Variants in SLC9C2 observed in about 807,000 individuals in gnomAD.
The protein encoded by SLC9C2 is solute carrier family 9 member C2 (putative), also known as sodium/hydrogen exchanger 11.
SLC9C2 carries 75 observed loss-of-function variants against 140.2 expected under a neutral mutation model. The observed-to-expected ratio is 0.53, with a 90% CI of 0.44 to 0.65. The LOEUF (loss-of-function observed/expected upper bound fraction) is 0.65, where lower values mean the gene tolerates loss of function less well. Ranked by LOEUF, SLC9C2 falls within the 30% of genes least tolerant of loss-of-function variation. The pLI is 0.00. For missense variants in SLC9C2, 1,074 were observed against 1,331.8 expected (o/e 0.81, Z 3.01); for synonymous variants, 375 against 420.9 (o/e 0.89, Z 1.34).
chr1:173,533,964 C>T (rs10912636), intron 16 of SLC9C2, among the ~76,000 whole-genome samples, 167 bp from the exon 17 acceptor site: 31,200 of 151,962 alleles, frequency 0.21, 4,312 homozygotes, highest in East Asian at 0.64. Flanking sequence ...AAAATCTTCA[C>T]CATTTATAAT....
intron 14 of SLC9C2, among the ~76,000 whole-genome samples, chr1:173,536,195 A>ATTTC (rs35559987): frequency 0.34 from 51,967 of 151,674 alleles, 10,937 homozygotes; most frequent in East Asian, 0.64. Context: ...TCTCTAGACC[A>ATTTC]TTTGGAGTTT....
At chr1:173,553,488 G>A (rs1429099402) in intron 11 of SLC9C2, among the ~76,000 whole-genome samples, 1 of 152,218 alleles carries the variant, frequency 6.6e-6, no homozygotes, top group African/African-American at 2.4e-5. Context: ...AATTGCCACA[G>A]CTGCCCAATC....
intron 9 of SLC9C2, among the ~76,000 whole-genome samples, chr1:173,563,387 TGTC>T (rs1026232471): frequency 1.3e-5 from 2 of 152,146 alleles, no homozygotes; most frequent in African/African-American, 4.8e-5. Context: ...TTTATGAACT[TGTC>T]GTATCCTTCA....
intron 26 of SLC9C2, among the ~76,000 whole-genome samples, chr1:173,503,566 C>T (rs138350164): frequency 6.6e-6 from 1 of 152,140 alleles, no homozygotes; most frequent in East Asian, 1.9e-4. Flanking sequence ...TTGAAGTGGG[C>T]GGGGTAAAGG....
chr1:173,565,786 G>C (rs1176708549), intron 9 of SLC9C2, among the ~76,000 whole-genome samples: 1 of 152,118 alleles, frequency 6.6e-6, no homozygotes, highest in East Asian at 1.9e-4. Flanking sequence ...TGAATCTCTA[G>C]ATCATTTTAG....
chr1:173,547,106 A>G (rs6425246), intron 13 of SLC9C2, among the ~76,000 whole-genome samples: 54,620 of 151,890 alleles, frequency 0.36, 12,427 homozygotes, highest in East Asian at 0.64. Context: ...GGCACAATTC[A>G]TATTTTATAT....
intron 9 of SLC9C2, 108 bp from the exon 10 acceptor site, chr1:173,557,616 GA>G (rs1663803520): frequency 2.8e-6 from 3 of 1,056,774 alleles, no homozygotes; most frequent in East Asian, 2.7e-5. Flanking sequence ...TTTCGGGAAA[GA>G]AAAAAACAAT....
chr1:173,598,053 A>C (rs777124490), intron 3 of SLC9C2, 21 bp from the exon 4 acceptor site: 16 of 1,564,626 alleles, frequency 1.0e-5, no homozygotes, highest in Admixed American at 2.0e-5. Context: ...AAAGGCAAAC[A>C]AGAAATTAGT....
chr1:173,543,542 G>A (rs946658584), intron 13 of SLC9C2, among the ~76,000 whole-genome samples: 2 of 152,128 alleles, frequency 1.3e-5, no homozygotes, highest in African/African-American at 4.8e-5. Context: ...AGTCTGCCTT[G>A]CCAAGACAAT....
intron 23 of SLC9C2, among the ~76,000 whole-genome samples, chr1:173,517,178 A>C (rs1165184020): frequency 6.6e-6 from 1 of 152,198 alleles, no homozygotes; most frequent in East Asian, 1.9e-4. Context: ...AAAACAAATA[A>C]ATATTCTTTA....
intron 7 of SLC9C2, among the ~76,000 whole-genome samples, chr1:173,577,563 T>C (rs1241114609): frequency 1.3e-5 from 2 of 152,074 alleles, no homozygotes; most frequent in African/African-American, 4.8e-5. Context: ...ACATGAAAGA[T>C]AGGATTGGAA....
intron 5 of SLC9C2, among the ~76,000 whole-genome samples, chr1:173,586,453 A>G (rs1665852156): frequency 6.6e-6 from 1 of 152,218 alleles, no homozygotes; most frequent in Non-Finnish European, 1.5e-5. Context: ...AACAGAAACC[A>G]TAGCATCTAG....
In SLC9C2 at chr1:173,563,460, G is replaced by A. The variant is rs1425415800; in HGVS notation, c.1047-5952C>T. On this transcript the variant is annotated intron_variant, in intron 9 of 27. Coordinates refer to ENST00000367714, the MANE Select transcript of SLC9C2 (RefSeq NM_178527.4). ...TCCCAACTCCAGGAAGGACCGGGAA[G>A]AGAAGGCCAATCTAGTTACTTTATC... is the stretch of plus-strand genomic sequence containing the variant. Among the ~76,000 whole-genome samples, 3 of 152,072 alleles carry A rather than the reference G, an allele frequency of 2.0e-5. No homozygotes were observed. In the East Asian group the frequency reaches 5.8e-4, roughly 29 times the overall value.
rs151169892 is a variant in SLC9C2 at position 173,516,922 on chromosome 1, C to T, written c.2907+615G>A. Among the ~76,000 whole-genome samples, 49 of 152,314 alleles carry T rather than the reference C, an allele frequency of 3.2e-4. No individual in the cohort carries two copies. The Middle Eastern group carries it at 0.01, about 32-fold the overall frequency. Reference sequence around the variant, plus strand: ...TCCACAATGGTTGAATTAATTTATACTCCCACTAACAGTGTGTAATTGTTC... The same window carrying T: ...TCCACAATGGTTGAATTAATTTATATTCCCACTAACAGTGTGTAATTGTTC... On this transcript the variant is annotated intron_variant, in intron 23 of 27. Transcript: ENST00000367714.
intron 3 of SLC9C2, among the ~76,000 whole-genome samples, chr1:173,599,719 T>A (rs1291109945): frequency 6.6e-6 from 1 of 152,074 alleles, no homozygotes; most frequent in Non-Finnish European, 1.5e-5. Context: ...TTCTCATGCC[T>A]CAGCCTCCTA....
At position 173,556,076 on chromosome 1, in the gene SLC9C2, C is replaced by T. The variant is rs565482606; in HGVS notation, c.1216-1262G>A. On this transcript the variant is annotated intron_variant, in intron 10 of 27. Coordinates refer to ENST00000367714, the MANE Select transcript of SLC9C2 (RefSeq NM_178527.4). ...AACTCTGTACATCTACCTCCAGATT[C>T]CTTGGTAGGTGAGTCAGTGCTCTTG... is the stretch of plus-strand genomic sequence containing the variant. 2.0e-5 allele frequency among the ~76,000 whole-genome samples: 3 copies of T among 152,298 alleles called. No homozygotes were observed. In the East Asian group the frequency reaches 5.8e-4, roughly 29 times the overall value.
At chr1:173,560,873 T>C (rs1054019797) in intron 9 of SLC9C2, among the ~76,000 whole-genome samples, 4 of 152,202 alleles carry the variant, frequency 2.6e-5, no homozygotes, top group Non-Finnish European at 2.9e-5. Flanking sequence ...CTTGGCTCAC[T>C]GCAACCTCTG....
intron 3 of SLC9C2, among the ~76,000 whole-genome samples, chr1:173,598,521 T>C (rs957495084): frequency 6.6e-6 from 1 of 152,168 alleles, no homozygotes; most frequent in African/African-American, 2.4e-5. Flanking sequence ...ATTGTATACA[T>C]AAGACATAAA....
intron 27 of SLC9C2, among the ~76,000 whole-genome samples, chr1:173,502,596 A>G (rs1659363805): frequency 6.6e-6 from 1 of 152,176 alleles, no homozygotes; most frequent in African/African-American, 2.4e-5. Flanking sequence ...TCTAGGCGTG[A>G]CTTCCAGCCT....
Sources: gnomAD v4.1 joint callset for allele counts (sites outside exome capture counted in the v4.1 genomes callset) on GRCh38, gnomAD v4.1.1 for gene constraint, MANE v1.5 for transcripts, NCBI Gene and HGNC (gene_info 2026-07-23, HGNC 2026-07-21) for gene names.